XPNPEP1: variants seen among roughly 807,000 people sequenced by gnomAD.
XPNPEP1 encodes the protein xaa-Pro aminopeptidase 1.
Under a neutral mutation model 92.4 loss-of-function variants are expected in XPNPEP1, and 39 were observed. That is an observed-to-expected ratio of 0.42 (90% CI 0.33 to 0.55). The LOEUF (loss-of-function observed/expected upper bound fraction) is 0.55. Ranked by LOEUF, XPNPEP1 falls within the 20% of genes least tolerant of loss-of-function variation. The pLI is 0.08. For missense variants in XPNPEP1, 654 were observed against 856.1 expected (o/e 0.76, Z 2.95); for synonymous variants, 307 against 299.4 (o/e 1.03, Z -0.26).
At chr10:109,923,340 C>T (rs1850666493) in intron 1 of XPNPEP1, 62 bp downstream of exon 1, 1 of 1,382,818 alleles carries the variant, frequency 7.2e-7, no homozygotes, top group Non-Finnish European at 9.4e-7. Flanking sequence ...GTGCAACACG[C>T]GCGGCCGCGC....
intron 11 of XPNPEP1, 82 bp from the exon 12 acceptor site, chr10:109,880,320 T>C (rs1462229653): frequency 3.5e-6 from 5 of 1,413,392 alleles, no homozygotes; most frequent in Admixed American, 3.4e-5. Context: ...AATGCAATAC[T>C]GAGAAGGCTG....
At chr10:109,886,735 T>A (rs1848412627) in intron 7 of XPNPEP1, among the ~76,000 whole-genome samples, 1 of 152,146 alleles carries the variant, frequency 6.6e-6, no homozygotes, top group African/African-American at 2.4e-5. Context: ...CACACTACTG[T>A]AAATACTGAT....
rs1029749389 is a variant in XPNPEP1 at position 109,871,813 on chromosome 10, C to T, written c.1501G>A (p.Val501Ile). The T allele has an allele frequency of 1.2e-5, 20 of 1,614,106 alleles. No homozygotes were observed. The highest frequency in any genetic ancestry group is 2.2e-5 in the South Asian group (2 of 91,062). ...LKGHIAVSAA[V>I]FPTGTKGHLL... Reference sequence around the variant, plus strand: ...CTACCTTTGGTTCCAGTCGGGAAAACGGCTGCACTCACAGCTATGTGGCCC... The same window carrying T: ...CTACCTTTGGTTCCAGTCGGGAAAATGGCTGCACTCACAGCTATGTGGCCC... The change falls in exon 17 of 21, where the codon GTT becomes ATT. Residue 501 changes from valine (V) to isoleucine (I), a missense_variant. By Grantham distance (29) the Val-to-Ile change is conservative (BLOSUM62 3). Coordinates refer to ENST00000502935, the MANE Select transcript of XPNPEP1 (RefSeq NM_020383.4).
At chr10:109,868,768 C>T (rs1027782857) in intron 19 of XPNPEP1, 56 bp from the exon 20 acceptor site, 1 of 1,513,162 alleles carries the variant, frequency 6.6e-7, no homozygotes, top group African/African-American at 1.4e-5. Flanking sequence ...TGCTGAAGCA[C>T]CATGAGGTCA....
chr10:109,901,224 A>G, intron 3 of XPNPEP1, among the ~76,000 whole-genome samples: 1 of 135,114 alleles, frequency 7.4e-6, no homozygotes, highest in Middle Eastern at 3.9e-3. Flanking sequence ...ACAGGTGGCA[A>G]CTGAACAATG....
rs1159169291 is a variant in XPNPEP1, at chr10:109,873,448, T to C, written c.1392-21A>G. 3.1e-6 allele frequency: 5 copies of C among 1,613,970 alleles called. No homozygotes were observed. The African/African-American group carries it at 4.0e-5, about 13-fold the overall frequency. ...CATCCCTTTCCAAAAAAAGGACAAA[T>C]TGGTTTCCCGTCAAAATAAGCTTTA... On this transcript the variant is annotated intron_variant, in intron 15 of 20. Coordinates refer to ENST00000502935, the MANE Select transcript of XPNPEP1 (RefSeq NM_020383.4).
At chr10:109,880,802 C>T (rs770185073) in intron 11 of XPNPEP1, 40 bp downstream of exon 11, 4 of 1,599,534 alleles carry the variant, frequency 2.5e-6, no homozygotes, top group Non-Finnish European at 3.4e-6. Context: ...GCCTTCTGAC[C>T]ACCTCACATC....
chr10:109,910,036 G>C (rs549135438), intron 2 of XPNPEP1, among the ~76,000 whole-genome samples: 11 of 152,268 alleles, frequency 7.2e-5, no homozygotes, highest in African/African-American at 2.6e-4. Flanking sequence ...ATGTGTAATG[G>C]CATGTATCCA....
rs531208619 is a variant in XPNPEP1 at position 109,893,253 on chromosome 10, T to C, written c.247-178A>G. 189 of 543,108 alleles carry C rather than the reference T, an allele frequency of 3.5e-4. 3 individuals are homozygous for C. Among genetic ancestry groups the C allele is most frequent in the African/African-American group, 1.4e-3 (72 of 52,892 alleles). 33.6% of individuals were successfully genotyped at this position (543,108 alleles called of 1,614,324 possible). The stretch of plus-strand genomic sequence containing the variant: ...ACAGATTAGCACACACTGCAGAAGA[T>C]TGAATTAATTAAGGGCAGAGAGAGC... On this transcript the variant is annotated intron_variant, in intron 3 of 20. Transcript: ENST00000502935.
chr10:109,868,740 T>C, intron 19 of XPNPEP1, 28 bp from the exon 20 acceptor site: 1 of 1,590,714 alleles, frequency 6.3e-7, no homozygotes, highest in East Asian at 2.2e-5. Flanking sequence ...AAACAGATGC[T>C]TTTACTCCTC....
chr10:109,911,113 T>C (rs1413624460), intron 2 of XPNPEP1, among the ~76,000 whole-genome samples: 3 of 152,228 alleles, frequency 2.0e-5, no homozygotes, highest in Non-Finnish European at 4.4e-5. Flanking sequence ...GCCCCACTTA[T>C]CATCTGCAGC....
intron 1 of XPNPEP1, among the ~76,000 whole-genome samples, chr10:109,918,762 G>A (rs1850331330): frequency 6.7e-6 from 1 of 150,130 alleles, no homozygotes; most frequent in African/African-American, 2.5e-5. Flanking sequence ...GAAAAGGAAA[G>A]AAAGAAAGGA....
At chr10:109,869,111 T>C (rs1295061683) in intron 19 of XPNPEP1, among the ~76,000 whole-genome samples, 1 of 152,240 alleles carries the variant, frequency 6.6e-6, no homozygotes, top group Admixed American at 6.5e-5. Flanking sequence ...CTGTGTGGTC[T>C]GCCTTGACCC....
intron 7 of XPNPEP1, 66 bp downstream of exon 7, chr10:109,887,983 G>A: frequency 6.3e-7 from 1 of 1,591,964 alleles, no homozygotes; most frequent in Non-Finnish European, 8.6e-7. Flanking sequence ...GACGAGGCTG[G>A]AGACAATAGC....
chr10:109,872,100 A>G (rs1466326458), intron 16 of XPNPEP1, among the ~76,000 whole-genome samples: 1 of 152,248 alleles, frequency 6.6e-6, no homozygotes, highest in Non-Finnish European at 1.5e-5. Context: ...ACATGACTTT[A>G]TAATGAACAC....
chr10:109,870,999 T>A (rs185077945), intron 17 of XPNPEP1, 95 bp from the exon 18 acceptor site: 4 of 1,403,644 alleles, frequency 2.8e-6, no homozygotes, highest in South Asian at 1.5e-5. Flanking sequence ...CAGAAACCAA[T>A]AGGTAAGTTA....
rs1018212418 is a variant in XPNPEP1, at chr10:109,867,644, G to A, written c.1872+970C>T. 4.6e-5 allele frequency among the ~76,000 whole-genome samples: 7 copies of A among 152,210 alleles called. No individual in the cohort carries two copies. Among genetic ancestry groups the A allele is most frequent in the African/African-American group, 9.7e-5 (4 of 41,446 alleles). ...CCCTTTCCTTTACAGTGTCAAGAAC[G>A]AGGCCCAAGTGGGCGCCAGTGAGGA... On this transcript the variant is annotated intron_variant, in intron 20 of 20. Coordinates refer to ENST00000502935, the MANE Select transcript of XPNPEP1 (RefSeq NM_020383.4). This position sits in a 1 kb window ranked among gnomAD's most constrained non-coding sequence, Gnocchi z 4.5.
At chr10:109,894,740 C>T (rs541613808) in intron 3 of XPNPEP1, among the ~76,000 whole-genome samples, 54 of 152,274 alleles carry the variant, frequency 3.5e-4, no homozygotes, top group Admixed American at 1.2e-3. Context: ...TGGCAGCTCT[C>T]TCAGCCTCAT....
chr10:109,878,719 C>A (rs182838284), intron 12 of XPNPEP1, among the ~76,000 whole-genome samples: 2 of 151,940 alleles, frequency 1.3e-5, no homozygotes, highest in Admixed American at 6.6e-5. Flanking sequence ...AAAACCTTAT[C>A]TCTACAAAAA....
Sources: allele counts gnomAD v4.1 joint callset (sites outside exome capture counted in the v4.1 genomes callset), GRCh38; gene constraint gnomAD v4.1.1; non-coding constraint Gnocchi (gnomAD v3.1); transcripts MANE v1.5; gene names NCBI Gene and HGNC (gene_info 2026-07-23, HGNC 2026-07-21).